Variants in TBC1D15 observed in about 807,000 individuals in gnomAD.
TBC1D15 encodes the protein TBC1 domain family member 15.
TBC1D15 carries 39 observed loss-of-function variants against 95.4 expected under a neutral mutation model. That is an observed-to-expected ratio of 0.41 (90% CI 0.32 to 0.53). The LOEUF (loss-of-function observed/expected upper bound fraction) is 0.53. TBC1D15 is among the 20% of genes least tolerant of loss of function. The probability of loss-of-function intolerance (pLI) is 0.29; values close to 1 mark genes in which losing one functional copy is unlikely to be tolerated. For synonymous variants in TBC1D15, 258 were observed against 261.3 expected, an observed-to-expected ratio of 0.99 and a Z score of 0.12; for missense variants, 733 against 794.3, an observed-to-expected ratio of 0.92 and a Z score of 0.93.
At chr12:71,896,488 A>G in intron 8 of TBC1D15, 189 bp from the exon 9 acceptor site, 1 of 587,012 alleles carries the variant, frequency 1.7e-6, no homozygotes, top group Admixed American at 3.1e-5. Context: ...CACTGTTTAA[A>G]CTTTCTGGCA....
At chr12:71,854,392 A>G (rs11178964) in intron 1 of TBC1D15, among the ~76,000 whole-genome samples, 2,671 of 152,176 alleles carry the variant, frequency 0.018, 80 homozygotes, top group African/African-American at 0.061. Flanking sequence ...ATTAATACCT[A>G]TCTCTTCTGT....
At chr12:71,883,784 C>G (rs1280499517) in intron 4 of TBC1D15, among the ~76,000 whole-genome samples, 1 of 152,024 alleles carries the variant, frequency 6.6e-6, no homozygotes, top group Non-Finnish European at 1.5e-5. Flanking sequence ...TTCAGAGACA[C>G]GACTTGCTTA....
chr12:71,855,734 C>A (rs1296092788), intron 1 of TBC1D15, among the ~76,000 whole-genome samples: 1 of 151,582 alleles, frequency 6.6e-6, no homozygotes, highest in African/African-American at 2.4e-5. Flanking sequence ...CACGTACCAC[C>A]CCTTGTCTCC....
At chr12:71,855,296 G>A (rs770727437) in intron 1 of TBC1D15, among the ~76,000 whole-genome samples, 17 of 152,230 alleles carry the variant, frequency 1.1e-4, no homozygotes, top group South Asian at 2.1e-4. Context: ...AGATTTGGGT[G>A]GGGATACAGT....
intron 10 of TBC1D15, among the ~76,000 whole-genome samples, chr12:71,903,437 G>A (rs1899922601): frequency 6.6e-6 from 1 of 152,162 alleles, no homozygotes; most frequent in Non-Finnish European, 1.5e-5. Flanking sequence ...AATTAATTCA[G>A]CCACTGTGAA....
At chr12:71,852,483 T>G (rs2137962132) in intron 1 of TBC1D15, among the ~76,000 whole-genome samples, 2 of 152,384 alleles carry the variant, frequency 1.3e-5, no homozygotes, top group South Asian at 4.1e-4. Context: ...GGCTTTTCTT[T>G]ATTGCCACAT....
At chr12:71,894,273 G>T in intron 6 of TBC1D15, 1 of 1,493,186 alleles carries the variant, frequency 6.7e-7, no homozygotes. Context: ...AATATTTTGT[G>T]TCAGAATAGC....
chr12:71,883,348 A>C (rs1368056675), intron 4 of TBC1D15, among the ~76,000 whole-genome samples: 1 of 152,138 alleles, frequency 6.6e-6, no homozygotes, highest in African/African-American at 2.4e-5. Context: ...AAAGTAGTCA[A>C]GTGGGCACAT....
chr12:71,911,863 T>C (rs1028521589), intron 11 of TBC1D15, among the ~76,000 whole-genome samples: 1 of 152,158 alleles, frequency 6.6e-6, no homozygotes, highest in Non-Finnish European at 1.5e-5. Flanking sequence ...CAGCTAAGAC[T>C]TAACAGAAGA....
chr12:71,923,256 A>G lies in TBC1D15; in HGVS notation c.*52A>G. On this transcript the variant is annotated 3_prime_UTR_variant, in exon 17 of 17. Transcript: ENST00000485960. ...GACACTTTGTTGCAACCCTTTTTCA[A>G]GTACTTGAAAGTTGAAAATTTGAAA... 1 of 1,564,382 alleles carries G rather than the reference A, an allele frequency of 6.4e-7. No homozygotes were observed. The highest frequency in any genetic ancestry group is 8.8e-7 in the Non-Finnish European group (1 of 1,141,242).
At chr12:71,903,212 C>G (rs1899858271) in intron 10 of TBC1D15, among the ~76,000 whole-genome samples, 1 of 152,142 alleles carries the variant, frequency 6.6e-6, no homozygotes, top group African/African-American at 2.4e-5. Flanking sequence ...CCATGCCTGG[C>G]TGCAGACACG....
At chr12:71,922,945 A>C (rs1869998596) in intron 16 of TBC1D15, 38 bp from the exon 17 acceptor site, 1 of 1,588,416 alleles carries the variant, frequency 6.3e-7, no homozygotes, top group Non-Finnish European at 8.6e-7. Flanking sequence ...TTTCCTCTGT[A>C]GTGAAATATG....
intron 1 of TBC1D15, among the ~76,000 whole-genome samples, chr12:71,843,230 A>G (rs1316605633): frequency 1.3e-5 from 2 of 152,194 alleles, no homozygotes; most frequent in Admixed American, 6.5e-5. Context: ...AGATTGTGCC[A>G]CTTGTTCAGA....
chr12:71,914,503 G>GAC (rs1368485933), intron 12 of TBC1D15, among the ~76,000 whole-genome samples: 2 of 151,934 alleles, frequency 1.3e-5, no homozygotes, highest in Non-Finnish European at 2.9e-5. Flanking sequence ...AAATCTTTGA[G>GAC]ACAGAGTTCT....
At chr12:71,890,240 G>A (rs568798112) in intron 5 of TBC1D15, among the ~76,000 whole-genome samples, 4 of 152,212 alleles carry the variant, frequency 2.6e-5, no homozygotes, top group African/African-American at 9.6e-5. Context: ...AGCCCGAGGG[G>A]TCTCATTTCC....
In TBC1D15 at chr12:71,907,078, C is replaced by G. The variant is rs747896186; in HGVS notation, c.1240C>G (p.Pro414Ala). 5.6e-6 allele frequency: 9 copies of G among 1,612,114 alleles called. No homozygotes were observed. The highest frequency in any genetic ancestry group is 6.8e-6 in the Non-Finnish European group (8 of 1,179,090). The change falls in exon 11 of 17, where the codon CCA becomes GCA. Residue 414 changes from proline (P) to alanine (A), a missense_variant. Pro to Ala is a conservative substitution (Grantham distance 27, BLOSUM62 -1). Coordinates refer to ENST00000485960, the MANE Select transcript of TBC1D15 (RefSeq NM_001146213.3). ...TNKFYEGQDN[P>A]GLILLHDILM... ...CAAGTTTTATGAAGGCCAAGATAAT[C>G]CAGGGTTGATTTTACTTCATGACAT...
chr12:71,848,011 C>T (rs181796885), intron 1 of TBC1D15, among the ~76,000 whole-genome samples: 8 of 151,600 alleles, frequency 5.3e-5, no homozygotes, highest in African/African-American at 1.2e-4. Context: ...ACAGGAGAAT[C>T]GCTTGAATTC....
chr12:71,855,258 C>T (rs1231090094), intron 1 of TBC1D15, among the ~76,000 whole-genome samples: 1 of 152,108 alleles, frequency 6.6e-6, no homozygotes, highest in Non-Finnish European at 1.5e-5. Flanking sequence ...GGGTTCCTCC[C>T]TCAACGTGGG....
intron 2 of TBC1D15, 131 bp from the exon 3 acceptor site, chr12:71,872,798 A>T: frequency 1.7e-6 from 1 of 577,638 alleles, no homozygotes; most frequent in Non-Finnish European, 2.9e-6. Context: ...TTTTTGATTT[A>T]CATATGATGT....
Sources: gnomAD v4.1 joint callset for allele counts (sites outside exome capture counted in the v4.1 genomes callset) on GRCh38, gnomAD v4.1.1 for gene constraint, MANE v1.5 for transcripts, NCBI Gene and HGNC (gene_info 2026-07-23, HGNC 2026-07-21) for gene names.